The following AGBL4 variants were observed in gnomAD, a reference collection of about 807,000 sequenced individuals.
AGBL4 encodes cytosolic carboxypeptidase 6.
Under a neutral mutation model 66.4 loss-of-function variants are expected in AGBL4, and 58 were observed. The ratio of observed to expected loss-of-function variants is 0.87; its 90% CI spans 0.71 to 1.09. The LOEUF (loss-of-function observed/expected upper bound fraction) is 1.09, where lower values mean the gene tolerates loss of function less well. Among genes scored for constraint, AGBL4 ranks in the 50% least tolerant of loss-of-function variants. The pLI, the probability that AGBL4 is intolerant of heterozygous loss-of-function variation, is 0.00. For synonymous variants in AGBL4, 234 were observed against 222.9 expected (o/e 1.05, Z -0.44); for missense variants, 579 against 631.0 (o/e 0.92, Z 0.88).
At position 48,759,154 on chromosome 1, in the gene AGBL4, G is replaced by A. The variant is rs745604168; in HGVS notation, c.635-95913C>T. 5.0e-6 allele frequency: 8 copies of A among 1,614,008 alleles called. No individual in the cohort carries two copies. The Admixed American group carries it at 5.0e-5, about 10-fold the overall frequency. ...ACTGTCCATGTCCTCTGTGCCTGGC[G>A]AGGCCTCCACGAAGACCTCTTCCGG... is the stretch of plus-strand genomic sequence containing the variant. On this transcript the variant is annotated intron_variant, in intron 6 of 13. Coordinates refer to ENST00000371839, the MANE Select transcript of AGBL4 (RefSeq NM_032785.4).
chr1:49,339,578 T>A (rs769747226), intron 3 of AGBL4, among the ~76,000 whole-genome samples: 1 of 152,204 alleles, frequency 6.6e-6, no homozygotes, highest in Non-Finnish European at 1.5e-5. Context: ...TATCAAGACA[T>A]GAAACACGTG....
At chr1:49,996,968 C>T (rs1279051379) in intron 1 of AGBL4, among the ~76,000 whole-genome samples, 5 of 152,088 alleles carry the variant, frequency 3.3e-5, no homozygotes, top group African/African-American at 7.2e-5. Context: ...AACTAAACTT[C>T]GTAAATGAAG....
intron 5 of AGBL4, among the ~76,000 whole-genome samples, chr1:48,911,615 G>A (rs1325963999): frequency 1.6e-5 from 2 of 125,204 alleles, no homozygotes; most frequent in East Asian, 2.2e-4. Flanking sequence ...GCAAAACTCC[G>A]TCTCAAAAAA....
intron 4 of AGBL4, among the ~76,000 whole-genome samples, chr1:49,132,037 T>C (rs906027294): frequency 2.6e-5 from 4 of 152,066 alleles, no homozygotes; most frequent in African/African-American, 9.7e-5. Flanking sequence ...ATTCATAAAC[T>C]GATAAAAGAT....
chr1:49,281,131 T>C (rs1168231811), intron 3 of AGBL4, among the ~76,000 whole-genome samples: 3 of 152,116 alleles, frequency 2.0e-5, no homozygotes, highest in Non-Finnish European at 2.9e-5. Flanking sequence ...TGGGAACTAA[T>C]AAGAAAAAAA....
At chr1:49,547,994 G>A (rs1361870670) in intron 3 of AGBL4, among the ~76,000 whole-genome samples, 3 of 152,014 alleles carry the variant, frequency 2.0e-5, no homozygotes, top group Non-Finnish European at 2.9e-5. Context: ...GGCTGGTCTC[G>A]AACTCCTGAC....
chr1:49,041,878 C>A (rs1373885073), intron 5 of AGBL4, among the ~76,000 whole-genome samples: 1 of 152,100 alleles, frequency 6.6e-6, no homozygotes, highest in African/African-American at 2.4e-5. Flanking sequence ...CTACCACCAT[C>A]AGGCAATGGC....
chr1:48,960,459 G>C (rs1234684742), intron 5 of AGBL4, among the ~76,000 whole-genome samples: 2 of 152,152 alleles, frequency 1.3e-5, no homozygotes, highest in Non-Finnish European at 2.9e-5. Flanking sequence ...GGAGTCATCA[G>C]CTAACATATG....
At chr1:49,937,905 A>C (rs1276666061) in intron 1 of AGBL4, among the ~76,000 whole-genome samples, 3 of 152,188 alleles carry the variant, frequency 2.0e-5, no homozygotes, top group African/African-American at 7.2e-5. Flanking sequence ...AAAGATCCAA[A>C]ATTGACACCC....
At chr1:48,534,806 CT>C in intron 13 of AGBL4, 83 bp downstream of exon 13, 2 of 1,374,580 alleles carry the variant, frequency 1.5e-6, no homozygotes, top group Non-Finnish European at 2.0e-6. Context: ...CATAACAAGG[CT>C]GCCAGAATAG....
chr1:49,520,455 T>A (rs2148799038), intron 3 of AGBL4, among the ~76,000 whole-genome samples: 1 of 152,212 alleles, frequency 6.6e-6, no homozygotes, highest in East Asian at 1.9e-4. Flanking sequence ...ATTTTAATGT[T>A]TGATATGATG....
intron 4 of AGBL4, among the ~76,000 whole-genome samples, chr1:49,198,786 T>A (rs1056575430): frequency 2.6e-5 from 4 of 152,192 alleles, no homozygotes; most frequent in Admixed American, 1.3e-4. Flanking sequence ...TCTTCTAAGT[T>A]TCTTGGCCTA....
intron 1 of AGBL4, among the ~76,000 whole-genome samples, chr1:49,920,027 G>T (rs915450951): frequency 6.6e-6 from 1 of 152,080 alleles, no homozygotes; most frequent in African/African-American, 2.4e-5. Flanking sequence ...GGGAAAACTG[G>T]CTAGCCATAT....
At chr1:49,428,392 T>A (rs920126182) in intron 3 of AGBL4, among the ~76,000 whole-genome samples, 4 of 152,200 alleles carry the variant, frequency 2.6e-5, no homozygotes, top group African/African-American at 9.6e-5. Flanking sequence ...TTGGGTTCCA[T>A]TGTAGCATTT....
chr1:48,688,503 C>T lies in AGBL4; in HGVS notation c.635-25262G>A, dbSNP rs140599303. ...CATGCACCCATTTATTCAACAAAGA[C>T]ATTGCTGAGTGTTTGTTGCTGAGAA... On this transcript the variant is annotated intron_variant, in intron 6 of 13. Transcript: ENST00000371839. Among the ~76,000 whole-genome samples the T allele has an allele frequency of 7.9e-4, 120 of 152,334 alleles. No homozygotes were observed. In the East Asian group the frequency reaches 0.019, roughly 24 times the overall value.
intron 3 of AGBL4, among the ~76,000 whole-genome samples, chr1:49,541,611 T>TC (rs1200043445): frequency 6.6e-6 from 1 of 151,916 alleles, no homozygotes; most frequent in Non-Finnish European, 1.5e-5. Context: ...TGCCTGAGCC[T>TC]CCCCCCTGCT....
At chr1:49,778,030 G>A (rs1644241933) in intron 2 of AGBL4, among the ~76,000 whole-genome samples, 1 of 152,112 alleles carries the variant, frequency 6.6e-6, no homozygotes. Context: ...GGCAGGGGAA[G>A]ATCATCAGCA....
At chr1:49,382,449 C>A (rs1477868792) in intron 3 of AGBL4, among the ~76,000 whole-genome samples, 1 of 151,344 alleles carries the variant, frequency 6.6e-6, no homozygotes, top group Non-Finnish European at 1.5e-5. Context: ...AATTTTTTGA[C>A]AAAATTCAAT....
chr1:48,549,490 A>AAG (rs1341131119), intron 11 of AGBL4, among the ~76,000 whole-genome samples: 1 of 152,028 alleles, frequency 6.6e-6, no homozygotes, highest in African/African-American at 2.4e-5. Context: ...GAGAGGGAGA[A>AAG]AGAGAGAAAG....
Sources: allele counts gnomAD v4.1 joint callset (sites outside exome capture counted in the v4.1 genomes callset), GRCh38; gene constraint gnomAD v4.1.1; transcripts MANE v1.5; gene names NCBI Gene and HGNC (gene_info 2026-07-23, HGNC 2026-07-21).